Variants in PDZRN4 observed in about 807,000 individuals in gnomAD.
PDZRN4 encodes the protein PDZ domain containing ring finger 4.
Under a neutral mutation model 99.0 loss-of-function variants are expected in PDZRN4, and 70 were observed. The observed-to-expected ratio is 0.71, with a 90% confidence interval of 0.58 to 0.86. The LOEUF (loss-of-function observed/expected upper bound fraction) is 0.86, where lower values mean the gene tolerates loss of function less well. Ranked by LOEUF, PDZRN4 falls within the 40% of genes least tolerant of loss-of-function variation. The pLI is 0.00. For synonymous variants in PDZRN4, 551 were observed against 501.6 expected, an observed-to-expected ratio of 1.10 and a Z score of -1.32; for missense variants, 1,474 against 1,331.2, an observed-to-expected ratio of 1.11 and a Z score of -1.67.
chr12:41,337,260 G>T (rs1282944937), intron 3 of PDZRN4, among the ~76,000 whole-genome samples: 1 of 152,000 alleles, frequency 6.6e-6, no homozygotes, highest in African/African-American at 2.4e-5. Flanking sequence ...TGCAAAAGTG[G>T]TTTCAATGTG....
intron 3 of PDZRN4, among the ~76,000 whole-genome samples, chr12:41,226,742 T>C (rs528265689): frequency 1.3e-4 from 20 of 152,314 alleles, no homozygotes; most frequent in African/African-American, 4.6e-4. Context: ...GCACCTGCCA[T>C]GCATTCTGGT....
chr12:41,469,286 T>C (rs1952962951), intron 3 of PDZRN4, among the ~76,000 whole-genome samples: 1 of 152,230 alleles, frequency 6.6e-6, no homozygotes. Flanking sequence ...AGGAATACTG[T>C]AATTCGTGAA....
intron 3 of PDZRN4, among the ~76,000 whole-genome samples, chr12:41,456,577 G>C (rs2608697): frequency 0.52 from 78,196 of 151,550 alleles, 20,667 homozygotes; most frequent in African/African-American, 0.65. Flanking sequence ...TGGAATAGTG[G>C]TTGGCCTAAA....
In PDZRN4 at chr12:41,257,122, G is replaced by T. The variant is rs939230926; in HGVS notation, c.843+62934G>T. Among the ~76,000 whole-genome samples the T allele has an allele frequency of 3.9e-5, 6 of 152,264 alleles. 1 individual carries two copies. The highest frequency in any genetic ancestry group is 1.4e-4 in the African/African-American group (6 of 41,564). On this transcript the variant is annotated intron_variant, in intron 3 of 9. Coordinates refer to ENST00000402685, the MANE Select transcript of PDZRN4 (RefSeq NM_001164595.2). ...ACCTATACTCCAAATTGCAGCCTAA[G>T]TAATGCTTTTCAAATGTAGATCAAA...
chr12:41,421,965 G>T, intron 3 of PDZRN4, among the ~76,000 whole-genome samples: 1 of 152,140 alleles, frequency 6.6e-6, no homozygotes, highest in Middle Eastern at 3.4e-3. Flanking sequence ...CTGTTTTGAC[G>T]ATTTATTTAT....
At chr12:41,388,238 G>A (rs988195378) in intron 3 of PDZRN4, among the ~76,000 whole-genome samples, 21 of 152,068 alleles carry the variant, frequency 1.4e-4, no homozygotes, top group Admixed American at 7.2e-4. Context: ...CACACGCTGG[G>A]GCCTATTAGA....
intron 3 of PDZRN4, among the ~76,000 whole-genome samples, chr12:41,428,797 G>A (rs1032673218): frequency 1.3e-5 from 2 of 152,172 alleles, no homozygotes; most frequent in African/African-American, 4.8e-5. Flanking sequence ...GCTCATGAGC[G>A]AATGCAAGAC....
At chr12:41,301,386 G>T (rs1278593601) in intron 3 of PDZRN4, among the ~76,000 whole-genome samples, 1 of 151,994 alleles carries the variant, frequency 6.6e-6, no homozygotes, top group Non-Finnish European at 1.5e-5. Context: ...TTATTGCCAT[G>T]ATGAGGACTG....
intron 3 of PDZRN4, among the ~76,000 whole-genome samples, chr12:41,236,056 C>T (rs1026432344): frequency 6.6e-6 from 1 of 152,038 alleles, no homozygotes. Flanking sequence ...AGTCTGATAA[C>T]CCATGTTTAC....
At chr12:41,255,617 A>G (rs1032444792) in intron 3 of PDZRN4, among the ~76,000 whole-genome samples, 1 of 152,128 alleles carries the variant, frequency 6.6e-6, no homozygotes, top group South Asian at 2.1e-4. Context: ...AGGCTTTTAC[A>G]TTAGTCAGTT....
At chr12:41,268,892 A>G (rs1359329469) in intron 3 of PDZRN4, among the ~76,000 whole-genome samples, 2 of 152,210 alleles carry the variant, frequency 1.3e-5, no homozygotes, top group Non-Finnish European at 2.9e-5. Context: ...AAATTGCGTG[A>G]TTGAAACTAA....
At position 41,260,544 on chromosome 12, in the gene PDZRN4, T is replaced by A. The variant is rs185739401; in HGVS notation, c.843+66356T>A. Among the ~76,000 whole-genome samples the A allele has an allele frequency of 6.6e-5, 10 of 152,276 alleles. No homozygotes were observed. In the East Asian group the frequency reaches 1.7e-3, roughly 26 times the overall value. ...AATTATATTTTTTACATAACAGCAT[T>A]ATGAAACTAAGGTTGCCTTATTTAA... is the stretch of plus-strand genomic sequence containing the variant. On this transcript the variant is annotated intron_variant, in intron 3 of 9. Transcript: ENST00000402685.
At chr12:41,286,805 T>C (rs1412328936) in intron 3 of PDZRN4, among the ~76,000 whole-genome samples, 4 of 152,200 alleles carry the variant, frequency 2.6e-5, no homozygotes, top group African/African-American at 9.7e-5. Flanking sequence ...TCTGATGATG[T>C]ATTATGACAC....
chr12:41,388,907 G>A (rs1952191305), intron 3 of PDZRN4, among the ~76,000 whole-genome samples: 2 of 152,086 alleles, frequency 1.3e-5, no homozygotes, highest in African/African-American at 4.8e-5. Context: ...AGTGTACTAT[G>A]TCTTCTTCAT....
intron 3 of PDZRN4, among the ~76,000 whole-genome samples, chr12:41,415,339 C>G (rs537627213): frequency 1.3e-5 from 2 of 148,274 alleles, no homozygotes; most frequent in Non-Finnish European, 3.0e-5. Context: ...ATATATATTA[C>G]AAATATATGT....
At chr12:41,366,270 T>C (rs1951999942) in intron 3 of PDZRN4, among the ~76,000 whole-genome samples, 1 of 152,178 alleles carries the variant, frequency 6.6e-6, no homozygotes, top group African/African-American at 2.4e-5. Context: ...TGCAAAAGCA[T>C]TAAATACAAT....
chr12:41,225,619 C>G (rs901347041), intron 3 of PDZRN4, among the ~76,000 whole-genome samples: 1 of 141,706 alleles, frequency 7.1e-6, no homozygotes, highest in African/African-American at 2.5e-5. Flanking sequence ...TTTAATTTCT[C>G]TCTGTTTTCT....
intron 3 of PDZRN4, among the ~76,000 whole-genome samples, chr12:41,259,635 C>A (rs569978350): frequency 6.6e-6 from 1 of 152,086 alleles, no homozygotes; most frequent in South Asian, 2.1e-4. Context: ...GACTTCAAGA[C>A]ACAAGAGAAA....
chr12:41,400,792 T>C (rs185267566), intron 3 of PDZRN4, among the ~76,000 whole-genome samples: 13 of 152,298 alleles, frequency 8.5e-5, no homozygotes, highest in African/African-American at 3.1e-4. Context: ...TTACAAGTCA[T>C]GTAAAACATC....
Sources: allele counts gnomAD v4.1 joint callset (sites outside exome capture counted in the v4.1 genomes callset), GRCh38; gene constraint gnomAD v4.1.1; transcripts MANE v1.5; gene names NCBI Gene and HGNC (gene_info 2026-07-23, HGNC 2026-07-21).